The following DGKZ variants were observed in gnomAD, a reference collection of about 807,000 sequenced individuals.
DGKZ encodes the protein diacylglycerol kinase zeta.
A neutral mutation model predicts 142.5 loss-of-function variants in DGKZ; 45 were observed. The observed-to-expected ratio is 0.32, with a 90% CI of 0.25 to 0.40. The LOEUF (loss-of-function observed/expected upper bound fraction) is 0.40. DGKZ is among the 10% of genes least tolerant of loss of function. DGKZ has a pLI of 1.00. For synonymous variants in DGKZ, 442 were observed against 527.0 expected, an observed-to-expected ratio of 0.84 and a Z score of 2.21; for missense variants, 755 against 1,306.5, an observed-to-expected ratio of 0.58 and a Z score of 6.51.
At chr11:46,350,856 T>C (rs1249010693) in intron 1 of DGKZ, among the ~76,000 whole-genome samples, 1 of 80,634 alleles carries the variant, frequency 1.2e-5, no homozygotes, top group Admixed American at 1.0e-4. Context: ...GCCATCTCCC[T>C]TTTTTTTTTT....
At chr11:46,359,007 G>A (rs558353633) in intron 1 of DGKZ, among the ~76,000 whole-genome samples, 114 of 151,282 alleles carry the variant, frequency 7.5e-4, no homozygotes, top group Non-Finnish European at 1.5e-3. Context: ...GCTGGATATG[G>A]TGGTGCACAC....
intron 1 of DGKZ, among the ~76,000 whole-genome samples, chr11:46,350,537 G>C (rs1941244353): frequency 6.6e-6 from 1 of 151,784 alleles, no homozygotes. Context: ...TCCAGCCTTG[G>C]GGTTGAGGGG....
At chr11:46,335,920 G>A (rs1939991053) in intron 1 of DGKZ, among the ~76,000 whole-genome samples, 1 of 152,234 alleles carries the variant, frequency 6.6e-6, no homozygotes, top group Admixed American at 6.5e-5. Context: ...GGGCTGGCAG[G>A]AGCTCAGGCC....
At chr11:46,352,154 G>A (rs945749068) in intron 1 of DGKZ, among the ~76,000 whole-genome samples, 1 of 152,244 alleles carries the variant, frequency 6.6e-6, no homozygotes, top group Admixed American at 6.5e-5. Context: ...TGAAAGTGGA[G>A]TCATAGGTTA....
At chr11:46,376,372 G>A (rs769674718) in exon 23 of DGKZ, 1 of 1,614,114 alleles carries the variant, frequency 6.2e-7, no homozygotes, top group South Asian at 1.1e-5. Context: ...GCCAGAAACT[G>A]TCCCCCAAGT....
At chr11:46,349,966 T>G (rs1941160614) in intron 1 of DGKZ, among the ~76,000 whole-genome samples, 1 of 152,136 alleles carries the variant, frequency 6.6e-6, no homozygotes. Flanking sequence ...GCTTCCCAGG[T>G]GATTCTCATG....
intron 25 of DGKZ, chr11:46,377,821 A>G (rs1333297930): frequency 3.6e-6 from 1 of 276,702 alleles, no homozygotes; most frequent in Non-Finnish European, 6.8e-6. Context: ...CTCTTCCCCC[A>G]TCTTTCCGGA....
intron 6 of DGKZ, among the ~76,000 whole-genome samples, chr11:46,371,025 C>T (rs1263331615): frequency 6.6e-6 from 1 of 152,156 alleles, no homozygotes; most frequent in Non-Finnish European, 1.5e-5. Context: ...GTGGAGGTTG[C>T]AGTGAGCCAA....
chr11:46,376,923 G>A (rs1209223319), intron 24 of DGKZ, 150 bp from the exon 25 acceptor site: 7 of 703,440 alleles, frequency 1.0e-5, no homozygotes, highest in Admixed American at 5.4e-5. Flanking sequence ...ATGGGAAGGA[G>A]TGGGAGAGGG....
chr11:46,368,324 T>G (rs949040899), intron 4 of DGKZ: 3 of 559,536 alleles, frequency 5.4e-6, no homozygotes, highest in Non-Finnish European at 1.0e-5. Flanking sequence ...TATCACTCAA[T>G]GGAATGAATT....
At chr11:46,359,729 G>A (rs1213777143) in intron 1 of DGKZ, among the ~76,000 whole-genome samples, 4 of 151,492 alleles carry the variant, frequency 2.6e-5, no homozygotes, top group African/African-American at 4.8e-5. Flanking sequence ...TCAGCCTCCC[G>A]AGTAGCTGGG....
At position 46,336,844 on chromosome 11, in the gene DGKZ, C is replaced by T. The variant is rs912861852; in HGVS notation, c.212+3357C>T. 2.8e-4 allele frequency among the ~76,000 whole-genome samples: 42 copies of T among 152,176 alleles called. 1 individual carries two copies. Among genetic ancestry groups the T allele is most frequent in the African/African-American group, 1.0e-3 (42 of 41,450 alleles). ...CTGGGGTCACAAGCATGACCCACTG[C>T]TCCTGGCCTCTACAGATTTTGTTAA... is the stretch of plus-strand genomic sequence containing the variant. On this transcript the variant is annotated intron_variant, in intron 1 of 30. Coordinates refer to the DGKZ transcript ENST00000343674.
In DGKZ at chr11:46,347,671, G is replaced by A. The variant is rs1940810228; in HGVS notation, c.12G>A (p.Arg4=). 1.4e-6 allele frequency: 2 copies of A among 1,435,550 alleles called. No homozygotes were observed. Among genetic ancestry groups the A allele is most frequent in the South Asian group, 1.4e-5 (1 of 73,446 alleles). The allele number at this position is 1,435,550 out of a possible 1,614,324, so 88.9% of individuals were successfully genotyped here. ...GGGGCTAGGGCCGGATGGAGCCGCG[G>A]GACGGTAGCCCCGAGGCCCGGAGCA... is the stretch of plus-strand genomic sequence containing the variant. Residue 4 remains arginine (R), a synonymous_variant, in exon 1 of 31, where the codon CGG becomes CGA. Coordinates refer to ENST00000527911, the Ensembl canonical transcript of DGKZ. The surrounding 1 kb of genome is among the most constrained non-coding windows in gnomAD (Gnocchi z 6.4).
At chr11:46,377,305 A>G in intron 25 of DGKZ, 93 bp downstream of exon 25, 1 of 1,460,812 alleles carries the variant, frequency 6.8e-7, no homozygotes, top group Non-Finnish European at 9.0e-7. Flanking sequence ...CCCCTCCACC[A>G]GTTAACTAAA....
exon 9 of DGKZ, chr11:46,371,706 T>C: frequency 6.2e-7 from 1 of 1,613,906 alleles, no homozygotes; most frequent in Non-Finnish European, 8.5e-7. Context: ...CCTTGCAGAA[T>C]ACTCTGAAAG....
At chr11:46,333,098 C>T (rs1054860956) in exon 1 of DGKZ, 48 of 476,274 alleles carry the variant, frequency 1.0e-4, no homozygotes, top group Admixed American at 2.8e-4. Flanking sequence ...CTCTCCCAGG[C>T]GCAGCGCCCA....
At chr11:46,356,778 C>A (rs1039123355) in intron 1 of DGKZ, among the ~76,000 whole-genome samples, 2 of 152,128 alleles carry the variant, frequency 1.3e-5, no homozygotes, top group African/African-American at 4.8e-5. Flanking sequence ...ATGACTTAAC[C>A]GCTTTGTCTC....
At chr11:46,378,049 C>A in intron 25 of DGKZ, 149 bp from the exon 26 acceptor site, 2 of 967,630 alleles carry the variant, frequency 2.1e-6, no homozygotes, top group East Asian at 5.2e-5. Flanking sequence ...CGTTTCCCTG[C>A]TGTATCCCCA....
exon 23 of DGKZ, chr11:46,376,340 G>A: frequency 6.2e-7 from 1 of 1,614,054 alleles, no homozygotes; most frequent in Non-Finnish European, 8.5e-7. Context: ...GCCCGATGGT[G>A]CTGGAGCCAA....
Sources: gnomAD v4.1 joint callset for allele counts (sites outside exome capture counted in the v4.1 genomes callset) on GRCh38, gnomAD v4.1.1 for gene constraint, Gnocchi (gnomAD v3.1) non-coding constraint, MANE v1.5 for transcripts, NCBI Gene and HGNC (gene_info 2026-07-23, HGNC 2026-07-21) for gene names.